C1orf159: variants seen among roughly 807,000 people sequenced by gnomAD.
C1orf159 encodes chromosome 1 open reading frame 159, also known as uncharacterized protein C1orf159.
C1orf159 carries 19 observed loss-of-function variants against 25.6 expected under a neutral mutation model. The observed-to-expected ratio is 0.74, with a 90% CI of 0.52 to 1.09. C1orf159 has a LOEUF of 1.09. Among genes scored for constraint, C1orf159 ranks in the 50% least tolerant of loss-of-function variants. C1orf159 has a pLI of 0.00. For synonymous variants in C1orf159, 139 were observed against 124.7 expected, an observed-to-expected ratio of 1.12 and a Z score of -0.77; for missense variants, 274 against 290.6, an observed-to-expected ratio of 0.94 and a Z score of 0.42.
intron 1 of C1orf159, among the ~76,000 whole-genome samples, chr1:1,109,078 A>C (rs1376750773): frequency 6.6e-6 from 1 of 150,874 alleles, no homozygotes; most frequent in East Asian, 1.9e-4. Flanking sequence ...ACCGTTCACC[A>C]CAGCCACCAT....
Position 1,084,511 on chromosome 1 carries a change from G to C in C1orf159, c.446-5C>G, listed in dbSNP as rs1048695721. 15 of 1,552,870 alleles carry C rather than the reference G, an allele frequency of 9.7e-6. No individual in the cohort carries two copies. Among genetic ancestry groups the C allele is most frequent in the African/African-American group, 4.1e-5 (3 of 73,262 alleles). On this transcript the variant is annotated splice_region_variant and splice_polypyrimidine_tract_variant and intron_variant, in intron 7 of 9. Transcript: ENST00000421241. Reference sequence around the variant, plus strand: ...CGCCAGGCTGCAGGGCCGGAGCTGTGGGGGAGAAAGCGGAGAGTCACCCTG... The same window carrying C: ...CGCCAGGCTGCAGGGCCGGAGCTGTCGGGGAGAAAGCGGAGAGTCACCCTG...
chr1:1,085,805 C>T, intron 7 of C1orf159, 73 bp downstream of exon 7: 1 of 1,565,578 alleles, frequency 6.4e-7, no homozygotes, highest in Non-Finnish European at 8.7e-7. Context: ...ACTCCAGTCT[C>T]AGGCCCATCT....
Position 1,085,948 on chromosome 1 carries a change from G to A in C1orf159, c.375C>T (p.Leu125=). 1 of 1,613,486 alleles carries A rather than the reference G, an allele frequency of 6.2e-7. No homozygotes were observed. The highest frequency in any genetic ancestry group is 1.7e-5 in the Admixed American group (1 of 60,026). The change falls in exon 7 of 10, where the codon CTC becomes CTT. Residue 125 remains leucine, a synonymous_variant. Transcript: ENST00000421241. ...TGAGGTAGAAGAACCCAGCTACGGA[G>A]AGGATGAGGCCGGAGCTAATGAAGA... The part of the protein sequence containing the change: ...GTFFISSGLI[L]SVAGFFYLKR...
intron 3 of C1orf159, 136 bp downstream of exon 3, chr1:1,091,336 G>T: frequency 1.2e-6 from 1 of 868,954 alleles, no homozygotes; most frequent in Non-Finnish European, 1.9e-6. Flanking sequence ...CCCCAGCAGT[G>T]GACCTGGTCA....
intron 1 of C1orf159, among the ~76,000 whole-genome samples, chr1:1,096,007 C>T (rs1431741944): frequency 6.6e-6 from 1 of 152,168 alleles, no homozygotes; most frequent in African/African-American, 2.4e-5. Context: ...CCTTGTATCA[C>T]TAGGATAAAC....
At chr1:1,101,848 G>C (rs1646104436) in intron 1 of C1orf159, among the ~76,000 whole-genome samples, 2 of 152,198 alleles carry the variant, frequency 1.3e-5, no homozygotes, top group Non-Finnish European at 2.9e-5. Flanking sequence ...GAGGCAGGCA[G>C]ATCCCCTGAG....
Position 1,089,990 on chromosome 1 carries a change from A to G in C1orf159, c.148+363T>C, listed in dbSNP as rs539196564. Among the ~76,000 whole-genome samples the G allele has an allele frequency of 3.2e-4, 49 of 152,308 alleles. No individual in the cohort carries two copies. The highest frequency in any genetic ancestry group is 1.2e-3 in the African/African-American group (49 of 41,564). On this transcript the variant is annotated intron_variant, in intron 4 of 9. Coordinates refer to ENST00000421241, the MANE Select transcript of C1orf159 (RefSeq NM_017891.5). The surrounding 1 kb of genome is among the most constrained non-coding windows in gnomAD (Gnocchi z 7.5). ...GCAGCACCTCTGCCCGAGCACGGACAGGCAAAAATGTCTTGGGCTTTGCCA... is the reference window on the plus strand; with the variant it reads ...GCAGCACCTCTGCCCGAGCACGGACGGGCAAAAATGTCTTGGGCTTTGCCA...
chr1:1,096,029 G>A lies in C1orf159; in HGVS notation c.-135-3926C>T, dbSNP rs1020472770. Among the ~76,000 whole-genome samples the A allele has an allele frequency of 9.9e-5, 15 of 152,172 alleles. No individual in the cohort carries two copies. The East Asian group carries it at 1.7e-3, about 18-fold the overall frequency. ...TCACTAGGATAAACCACACTTGGCCGAGGTGTACTGCCCTCTTAGGCTATT... is the reference window on the plus strand; with the variant it reads ...TCACTAGGATAAACCACACTTGGCCAAGGTGTACTGCCCTCTTAGGCTATT... On this transcript the variant is annotated intron_variant, in intron 1 of 9. Coordinates refer to ENST00000421241, the MANE Select transcript of C1orf159 (RefSeq NM_017891.5).
intron 1 of C1orf159, among the ~76,000 whole-genome samples, chr1:1,108,973 G>A (rs948651944): frequency 1.1e-5 from 1 of 89,074 alleles, no homozygotes; most frequent in Non-Finnish European, 2.0e-5. Flanking sequence ...CCATGTCTCA[G>A]CACCATCCAC....
At chr1:1,095,067 T>TGTG (rs1645991235) in intron 1 of C1orf159, among the ~76,000 whole-genome samples, 2 of 152,274 alleles carry the variant, frequency 1.3e-5, no homozygotes, top group African/African-American at 4.8e-5. Flanking sequence ...TTCTATTCTG[T>TGTG]TCCACTCACC....
At chr1:1,105,545 A>C (rs1646159182) in intron 1 of C1orf159, among the ~76,000 whole-genome samples, 1 of 152,248 alleles carries the variant, frequency 6.6e-6, no homozygotes, top group Admixed American at 6.5e-5. Context: ...TGGATTTAAA[A>C]AACAATATAC....
In C1orf159 at chr1:1,104,088, C is replaced by T. The variant is rs183450609; in HGVS notation, c.-136+11972G>A. On this transcript the variant is annotated intron_variant, in intron 1 of 9. Coordinates refer to ENST00000421241, the MANE Select transcript of C1orf159 (RefSeq NM_017891.5). ...CTGAAGCCTCTGCCTCCCAGGCTCA[C>T]GCGATTCTCCTGCCTCGGCCTCACG... is the stretch of plus-strand genomic sequence containing the variant. Among the ~76,000 whole-genome samples, 4 of 152,178 alleles carry T rather than the reference C, an allele frequency of 2.6e-5. No homozygotes were observed. The East Asian group carries it at 5.8e-4, about 22-fold the overall frequency.
At chr1:1,091,240 G>T in intron 3 of C1orf159, 3 of 635,050 alleles carry the variant, frequency 4.7e-6, no homozygotes, top group Non-Finnish European at 8.3e-6. Flanking sequence ...CACCGTGGGG[G>T]CCCCGCCTGA....
chr1:1,091,071 T>C, intron 3 of C1orf159: 2 of 1,116,546 alleles, frequency 1.8e-6, no homozygotes, highest in Non-Finnish European at 2.6e-6. Flanking sequence ...CCAGGTCCGG[T>C]CCCTCAAACG....
chr1:1,087,259 C>A lies in C1orf159; in HGVS notation c.245-55G>T. Reference sequence around the variant, plus strand: ...GTGTGCACGGAGCCCACGGGGACACCCACGTGCACCCTGAAGGGATCTCAG... The same window carrying A: ...GTGTGCACGGAGCCCACGGGGACACACACGTGCACCCTGAAGGGATCTCAG... On this transcript the variant is annotated intron_variant, in intron 5 of 9. Coordinates refer to ENST00000421241, the MANE Select transcript of C1orf159 (RefSeq NM_017891.5). This position sits in a 1 kb window ranked among gnomAD's most constrained non-coding sequence, Gnocchi z 8.3. 6.7e-7 allele frequency: 1 copy of A among 1,503,734 alleles called. No individual in the cohort carries two copies. The highest frequency in any genetic ancestry group is 9.0e-7 in the Non-Finnish European group (1 of 1,111,292). The allele number at this position is 1,503,734 out of a possible 1,614,324, so 93.1% of individuals were successfully genotyped here.
chr1:1,107,794 C>T (rs938884532), intron 1 of C1orf159, among the ~76,000 whole-genome samples: 3 of 152,224 alleles, frequency 2.0e-5, no homozygotes, highest in Admixed American at 1.3e-4. Flanking sequence ...TGCAATAAAT[C>T]TTGCTGCTGC....
At chr1:1,096,555 T>C (rs548078083) in intron 1 of C1orf159, among the ~76,000 whole-genome samples, 2 of 152,314 alleles carry the variant, frequency 1.3e-5, no homozygotes, top group African/African-American at 4.8e-5. Flanking sequence ...CAGGAAACCA[T>C]GTATATTTGC....
intron 1 of C1orf159, among the ~76,000 whole-genome samples, chr1:1,095,104 C>T (rs796088547): frequency 4.1e-4 from 62 of 152,330 alleles, no homozygotes; most frequent in African/African-American, 1.5e-3. Context: ...AGGGACACTG[C>T]GGCTGACTGG....
chr1:1,085,944 C>T lies in C1orf159; in HGVS notation c.379G>A (p.Val127Ile), dbSNP rs1451207840. 8.1e-6 allele frequency: 13 copies of T among 1,613,378 alleles called. No individual in the cohort carries two copies. The highest frequency in any genetic ancestry group is 2.2e-5 in the East Asian group (1 of 44,864). The change falls in exon 7 of 10, where the codon GTA becomes ATA. Residue 127 changes from valine to isoleucine, a missense_variant. Val to Ile is a conservative substitution (Grantham distance 29). Transcript: ENST00000421241. ...CGCTTGAGGTAGAAGAACCCAGCTA[C>T]GGAGAGGATGAGGCCGGAGCTAATG... ...FFISSGLILSVAGFFYLKRSS... is the reference protein window; with the variant it reads ...FFISSGLILSIAGFFYLKRSS...
Sources: allele counts gnomAD v4.1 joint callset (sites outside exome capture counted in the v4.1 genomes callset), GRCh38; gene constraint gnomAD v4.1.1; non-coding constraint Gnocchi (gnomAD v3.1); transcripts MANE v1.5; gene names NCBI Gene and HGNC (gene_info 2026-07-23, HGNC 2026-07-21).